DACH2: variants seen among roughly 807,000 people sequenced by gnomAD.
DACH2 encodes the protein dachshund homolog 2.
In DACH2, 17 loss-of-function variants were observed where a neutral mutation model predicts 35.8. That is an observed-to-expected ratio of 0.48 (90% confidence interval 0.33 to 0.71). The LOEUF (loss-of-function observed/expected upper bound fraction) is 0.71, where lower values mean the gene tolerates loss of function less well. Ranked by LOEUF, DACH2 falls within the 30% of genes least tolerant of loss-of-function variation. The pLI, the probability that DACH2 is intolerant of heterozygous loss-of-function variation, is 0.02. For synonymous variants in DACH2, 195 were observed against 177.3 expected (o/e 1.10, Z -0.79); for missense variants, 469 against 472.7 (o/e 0.99, Z 0.07).
At chrX:86,567,647 G>A (rs2039309238) in intron 3 of DACH2, among the ~76,000 whole-genome samples, 1 of 111,570 alleles carries the variant, frequency 9.0e-6, no homozygotes, top group Non-Finnish European at 1.9e-5. Context: ...CAAGTACAGT[G>A]CCGTGCTTAT....
Position 86,464,687 on chromosome X carries a change from A to T in DACH2, c.528-49592A>T, listed in dbSNP as rs771827516. Among the ~76,000 whole-genome samples the T allele has an allele frequency of 2.6e-3, 292 of 110,235 alleles. 1 individual carries two copies. Among genetic ancestry groups the T allele is most frequent in the African/African-American group, 7.8e-3 (236 of 30,245 alleles). On this transcript the variant is annotated intron_variant, in intron 2 of 11. Coordinates refer to ENST00000373125, the MANE Select transcript of DACH2 (RefSeq NM_053281.3). ...TGTATCCCATAACTTAAAGTAAAAT[A>T]AAAAAAAATAAAAAATAAATATTCA...
intron 4 of DACH2, among the ~76,000 whole-genome samples, chrX:86,667,566 A>G (rs1156370295): frequency 1.1e-5 from 1 of 93,944 alleles, no homozygotes; most frequent in Non-Finnish European, 2.1e-5. Flanking sequence ...GAAAGAAAGA[A>G]AGAAAGAAAG....
intron 3 of DACH2, among the ~76,000 whole-genome samples, chrX:86,597,861 A>T (rs2039732420): frequency 9.0e-6 from 1 of 111,716 alleles, no homozygotes; most frequent in Admixed American, 9.5e-5. Context: ...ATATTGTATT[A>T]GTCCGTTTTC....
intron 7 of DACH2, among the ~76,000 whole-genome samples, chrX:86,811,801 T>C (rs1188523243): frequency 8.9e-6 from 1 of 112,224 alleles, no homozygotes; most frequent in Non-Finnish European, 1.9e-5. Context: ...TCAGCCAGAA[T>C]AACCAAGTAT....
chrX:86,238,701 T>G (rs918837498), intron 1 of DACH2, among the ~76,000 whole-genome samples: 9 of 110,455 alleles, frequency 8.1e-5, no homozygotes, highest in Non-Finnish European at 1.5e-4. Flanking sequence ...AATAATAGCT[T>G]GCATCATATA....
chrX:86,428,701 C>T (rs990271067), intron 2 of DACH2, among the ~76,000 whole-genome samples: 4 of 109,946 alleles, frequency 3.6e-5, no homozygotes, highest in South Asian at 3.8e-4. Flanking sequence ...GAAATTTTAA[C>T]GCCAGACAAG....
intron 2 of DACH2, among the ~76,000 whole-genome samples, chrX:86,510,843 T>G (rs1265925857): frequency 8.9e-6 from 1 of 111,941 alleles, no homozygotes; most frequent in Non-Finnish European, 1.9e-5. Flanking sequence ...TTTTACAGAC[T>G]ACAAATAACC....
At chrX:86,356,942 T>G (rs1404311685) in intron 1 of DACH2, among the ~76,000 whole-genome samples, 4 of 111,286 alleles carry the variant, frequency 3.6e-5, no homozygotes, top group Non-Finnish European at 7.5e-5. Flanking sequence ...ATGTAGGTTT[T>G]TATCCCTTTC....
intron 4 of DACH2, among the ~76,000 whole-genome samples, chrX:86,661,951 C>T (rs764502687): frequency 4.0e-4 from 45 of 111,921 alleles, no homozygotes; most frequent in Non-Finnish European, 7.9e-4. Context: ...GTAGCAGAAA[C>T]TTTAATGCCC....
At chrX:86,531,788 C>T (rs944629892) in intron 3 of DACH2, among the ~76,000 whole-genome samples, 2 of 112,131 alleles carry the variant, frequency 1.8e-5, no homozygotes, top group African/African-American at 6.5e-5. Flanking sequence ...CACCATCCTC[C>T]AGAACCTGGA....
At chrX:86,349,945 C>T (rs184805748) in intron 1 of DACH2, among the ~76,000 whole-genome samples, 2 of 111,708 alleles carry the variant, frequency 1.8e-5, no homozygotes, top group Non-Finnish European at 3.8e-5. Context: ...GTGGGCTGAT[C>T]ACTTGAGGTC....
intron 1 of DACH2, among the ~76,000 whole-genome samples, chrX:86,308,417 G>A (rs1036259850): frequency 9.3e-6 from 1 of 107,288 alleles, no homozygotes; most frequent in Non-Finnish European, 1.9e-5. Context: ...TAGAGCTCTG[G>A]CATTGGCTAA....
chrX:86,722,403 C>T (rs1432662084), intron 6 of DACH2, among the ~76,000 whole-genome samples: 1 of 111,653 alleles, frequency 9.0e-6, no homozygotes, highest in Admixed American at 9.5e-5. Context: ...AGCTGGAGAG[C>T]AGTGGTGCAA....
intron 2 of DACH2, among the ~76,000 whole-genome samples, chrX:86,476,199 T>A: frequency 8.9e-6 from 1 of 112,074 alleles, no homozygotes; most frequent in African/African-American, 3.2e-5. Flanking sequence ...TAGAATGAGT[T>A]TGGAGGTGTT....
intron 1 of DACH2, among the ~76,000 whole-genome samples, chrX:86,149,854 G>C (rs2030302471): frequency 8.9e-6 from 1 of 111,992 alleles, no homozygotes; most frequent in Admixed American, 9.4e-5. Context: ...GGCAATGTGG[G>C]GCATGAACCA....
At chrX:86,814,970 A>G (rs1247839719) in intron 10 of DACH2, 136 bp downstream of exon 10, 2 of 690,334 alleles carry the variant, frequency 2.9e-6, no homozygotes, top group Non-Finnish European at 4.1e-6. Context: ...TATTTTGTCC[A>G]GGAATGATTA....
chrX:86,168,108 G>A (rs1014545418), intron 1 of DACH2, among the ~76,000 whole-genome samples: 3 of 111,384 alleles, frequency 2.7e-5, no homozygotes, highest in African/African-American at 9.8e-5. Context: ...TTTTCTGTCT[G>A]GAAGATCTGT....
intron 3 of DACH2, among the ~76,000 whole-genome samples, chrX:86,624,026 C>T (rs1198866946): frequency 8.3e-5 from 6 of 72,624 alleles, no homozygotes; most frequent in African/African-American, 2.3e-4. Flanking sequence ...CCAGCCTGGG[C>T]GACAGAGCGA....
intron 1 of DACH2, among the ~76,000 whole-genome samples, chrX:86,254,424 C>T (rs1374003394): frequency 1.8e-5 from 2 of 110,160 alleles, no homozygotes; most frequent in Non-Finnish European, 1.9e-5. Context: ...CTCTCTTTCT[C>T]TTTTTTTGTA....
Sources: gnomAD v4.1 joint callset for allele counts (sites outside exome capture counted in the v4.1 genomes callset) on GRCh38, gnomAD v4.1.1 for gene constraint, MANE v1.5 for transcripts, NCBI Gene and HGNC (gene_info 2026-07-23, HGNC 2026-07-21) for gene names.